The following SH2B1 variants were observed in gnomAD, a reference collection of about 807,000 sequenced individuals.
SH2B1 encodes SH2B adapter protein 1.
In SH2B1, 15 loss-of-function variants were observed where a neutral mutation model predicts 62.6. That is an observed-to-expected ratio of 0.24 (90% CI 0.16 to 0.37). The LOEUF (loss-of-function observed/expected upper bound fraction) is 0.37, where lower values mean the gene tolerates loss of function less well. Among genes scored for constraint, SH2B1 ranks in the 10% least tolerant of loss-of-function variants. The probability of loss-of-function intolerance (pLI) is 1.00; values close to 1 mark genes in which losing one functional copy is unlikely to be tolerated. For missense variants in SH2B1, 925 were observed against 1,015.6 expected (o/e 0.91, Z 1.21); for synonymous variants, 443 against 438.0 (o/e 1.01, Z -0.14).
chr16:28,871,998 AGTGTGC>A lies in SH2B1; in HGVS notation c.1513+16_1513+21del. On this transcript the variant is annotated intron_variant, in intron 5 of 7. Transcript: ENST00000684370. ...AACAGCCACAGGTACCGGAGGTGTG[AGTGTGC>A]ATGTCTCCAGGCCTGGGTGCCTACC... The A allele has an allele frequency of 6.5e-7, 1 of 1,533,570 alleles. No homozygotes were observed. The highest frequency in any genetic ancestry group is 9.0e-7 in the Non-Finnish European group (1 of 1,107,666). 95.0% of individuals were successfully genotyped at this position (1,533,570 alleles called of 1,614,324 possible).
At chr16:28,854,224 C>G (rs1355093669) in intron 1 of SH2B1, among the ~76,000 whole-genome samples, 6 of 151,746 alleles carry the variant, frequency 4.0e-5, no homozygotes, top group South Asian at 2.1e-4. Context: ...TCACTTGAGC[C>G]CAGGAGGTCG....
Position 28,873,979 on chromosome 16 carries a change from C to T in SH2B1, c.*159C>T, listed in dbSNP as rs373197858. The T allele has an allele frequency of 1.1e-5, 7 of 650,440 alleles. No individual in the cohort carries two copies. The highest frequency in any genetic ancestry group is 5.0e-5 in the South Asian group (1 of 19,992). The allele number at this position is 650,440 out of a possible 1,614,324, so 40.3% of individuals were successfully genotyped here. A position where few individuals can be genotyped will look rare whatever the true frequency, so the allele number is the denominator to read the frequency against. ...TACAAGCAGAGGCTCGGGAGAGGCT[C>T]CCGTCACACACTACAGGTCCCCTCC... is the stretch of plus-strand genomic sequence containing the variant. On this transcript the variant is annotated 3_prime_UTR_variant, in exon 8 of 8. Coordinates refer to ENST00000684370, the MANE Select transcript of SH2B1 (RefSeq NM_001387430.1). The surrounding 1 kb of genome is among the most constrained non-coding windows in gnomAD (Gnocchi z 4.2).
At chr16:28,868,934 T>C in intron 2 of SH2B1, 72 bp from the exon 3 acceptor site, 5 of 1,142,580 alleles carry the variant, frequency 4.4e-6, no homozygotes, top group Non-Finnish European at 6.7e-6. Flanking sequence ...CTGCATACAT[T>C]GTTCTCATTA....
rs1567472735 is a variant in SH2B1, at chr16:28,873,264, CTGTG to C, written c.1898-179_1898-176del. The stretch of plus-strand genomic sequence containing the variant: ...CCCTCATGCCCTTCGGAGCGAGTGA[CTGTG>C]TGTAAGTGTGGTCCTCCTCTCACCA... On this transcript the variant is annotated intron_variant, in intron 7 of 7. Coordinates refer to ENST00000684370, the MANE Select transcript of SH2B1 (RefSeq NM_001387430.1). The surrounding 1 kb of genome is among the most constrained non-coding windows in gnomAD (Gnocchi z 4.2). 1 of 1,607,830 alleles carries C rather than the reference CTGTG, an allele frequency of 6.2e-7. No individual in the cohort carries two copies. The highest frequency in any genetic ancestry group is 8.5e-7 in the Non-Finnish European group (1 of 1,178,360).
At chr16:28,870,994 C>CGTGTGTGTGTGT (rs35079060) in intron 4 of SH2B1, among the ~76,000 whole-genome samples, 3 of 141,542 alleles carry the variant, frequency 2.1e-5, no homozygotes, top group East Asian at 2.1e-4. Context: ...GCCAGAATTC[C>CGTGTGTGTGTGT]GTGTGTGTGT....
At chr16:28,852,522 A>T (rs370214367) in intron 1 of SH2B1, among the ~76,000 whole-genome samples, 5 of 49,420 alleles carry the variant, frequency 1.0e-4, no homozygotes, top group African/African-American at 5.0e-4. Context: ...ACATATATTT[A>T]TATATATACA....
At position 28,873,415 on chromosome 16, in the gene SH2B1, A is replaced by G. The variant is rs1183402989; in HGVS notation, c.1898-32A>G. ...ACGGCAGGAGCTCACCTGCCTCCACAATCAGTCTGTTTTCTTACCATTCCT... is the reference window on the plus strand; with the variant it reads ...ACGGCAGGAGCTCACCTGCCTCCACGATCAGTCTGTTTTCTTACCATTCCT... On this transcript the variant is annotated intron_variant, in intron 7 of 7. Transcript: ENST00000684370. The surrounding 1 kb of genome is among the most constrained non-coding windows in gnomAD (Gnocchi z 4.2). 2 of 1,577,920 alleles carry G rather than the reference A, an allele frequency of 1.3e-6. No homozygotes were observed. The highest frequency in any genetic ancestry group is 2.7e-5 in the African/African-American group (2 of 73,084).
chr16:28,869,783 A>T (rs549196683), intron 4 of SH2B1, among the ~76,000 whole-genome samples: 1 of 152,222 alleles, frequency 6.6e-6, no homozygotes, highest in East Asian at 1.9e-4. Flanking sequence ...TTGACTCTGT[A>T]CTTTTTGGTC....
chr16:28,852,887 T>C (rs1962202848), intron 1 of SH2B1, among the ~76,000 whole-genome samples: 1 of 101,592 alleles, frequency 9.8e-6, no homozygotes, highest in South Asian at 3.1e-4. Flanking sequence ...TTTATATATA[T>C]TTACATATAT....
At chr16:28,860,748 A>T (rs1365021222), upstream of SH2B1, among the ~76,000 whole-genome samples, 1 of 151,908 alleles carries the variant, frequency 6.6e-6, no homozygotes, top group Non-Finnish European at 1.5e-5. Flanking sequence ...CACACATCTT[A>T]TACTCACTCC....
At chr16:28,855,107 C>A (rs1297913784) in intron 1 of SH2B1, among the ~76,000 whole-genome samples, 2 of 152,000 alleles carry the variant, frequency 1.3e-5, no homozygotes, top group South Asian at 4.1e-4. Context: ...CTCCTGACTT[C>A]GGGTGATCTG....
In SH2B1 at chr16:28,866,913, G is replaced by T. The variant is rs777446588; in HGVS notation, c.819G>T (p.Gly273=). Reference sequence around the variant, plus strand: ...CAGCCGGAGTGGGCCGGGGAGGAGGGGTGGCTGGGCCTCCTTCAGGGGGAG... The same window carrying T: ...CAGCCGGAGTGGGCCGGGGAGGAGGTGTGGCTGGGCCTCCTTCAGGGGGAG... ...PDPAGVGRGG[G]VAGPPSGGGG... Residue 273 remains glycine (G), a synonymous_variant, in exon 1 of 8, where the codon GGG becomes GGT. Transcript: ENST00000684370. This position sits in a 1 kb window ranked among gnomAD's most constrained non-coding sequence, Gnocchi z 6.3. The T allele has an allele frequency of 6.2e-7, 1 of 1,612,058 alleles. No individual in the cohort carries two copies. The highest frequency in any genetic ancestry group is 1.1e-5 in the South Asian group (1 of 91,054).
chr16:28,847,815 TC>T (rs1962012434), intron 1 of SH2B1, among the ~76,000 whole-genome samples: 2 of 131,022 alleles, frequency 1.5e-5, no homozygotes, highest in Non-Finnish European at 3.2e-5. Context: ...AAAGACCCCA[TC>T]TTTTTTTTTT....
chr16:28,873,063 C>T lies in SH2B1; in HGVS notation c.1897+358C>T, dbSNP rs1284962502. The T allele has an allele frequency of 8.8e-6, 7 of 798,178 alleles. No homozygotes were observed. Among genetic ancestry groups the T allele is most frequent in the East Asian group, 2.7e-5 (1 of 37,448 alleles). 49.4% of individuals were successfully genotyped at this position (798,178 alleles called of 1,614,324 possible). A position where few individuals can be genotyped will look rare whatever the true frequency, so the allele number is the denominator to read the frequency against. ...TGGGCCTGCCCTTCCCGGGGACACTCGGTCTGATCCCCTTCCCTCCTCCCT... is the reference window on the plus strand; with the variant it reads ...TGGGCCTGCCCTTCCCGGGGACACTTGGTCTGATCCCCTTCCCTCCTCCCT... On this transcript the variant is annotated intron_variant, in intron 7 of 7. Transcript: ENST00000684370. The surrounding 1 kb of genome is among the most constrained non-coding windows in gnomAD (Gnocchi z 4.2).
At chr16:28,860,115 G>C (rs1006591991), upstream of SH2B1, among the ~76,000 whole-genome samples, 4 of 151,926 alleles carry the variant, frequency 2.6e-5, no homozygotes, top group African/African-American at 9.7e-5. Flanking sequence ...AACAAAATCA[G>C]ATCTTCCTCA....
chr16:28,863,875 G>A lies in SH2B1; in HGVS notation c.-2220G>A. On this transcript the variant is annotated 5_prime_UTR_variant, in exon 1 of 8. Coordinates refer to ENST00000684370, the MANE Select transcript of SH2B1 (RefSeq NM_001387430.1). ...GCTGGGCGCTCGTCGCGTAGTGGGT[G>A]GGGGCGCAGGGAGCGGGAGCCGCCG... The A allele has an allele frequency of 6.6e-7, 1 of 1,511,576 alleles. No homozygotes were observed. Among genetic ancestry groups the A allele is most frequent in the Non-Finnish European group, 8.8e-7 (1 of 1,136,434 alleles). The allele number at this position is 1,511,576 out of a possible 1,614,324, so 93.6% of individuals were successfully genotyped here. A position where few individuals can be genotyped will look rare whatever the true frequency, so the allele number is the denominator to read the frequency against.
chr16:28,864,652 C>T lies in SH2B1; in HGVS notation c.-1443C>T. The stretch of plus-strand genomic sequence containing the variant: ...GAGGCTTTCCTGAGCTGCTCTGGCC[C>T]CAGTCCTGGGGCTGTCACCTTCCAG... On this transcript the variant is annotated 5_prime_UTR_variant, in exon 1 of 8. Coordinates refer to ENST00000684370, the MANE Select transcript of SH2B1 (RefSeq NM_001387430.1). 1 of 985,322 alleles carries T rather than the reference C, an allele frequency of 1.0e-6. No homozygotes were observed. Among genetic ancestry groups the T allele is most frequent in the Non-Finnish European group, 1.2e-6 (1 of 829,942 alleles). 61.0% of individuals were successfully genotyped at this position (985,322 alleles called of 1,614,324 possible). A position where few individuals can be genotyped will look rare whatever the true frequency, so the allele number is the denominator to read the frequency against.
intron 1 of SH2B1, among the ~76,000 whole-genome samples, chr16:28,850,767 G>A (rs1962077708): frequency 6.6e-6 from 1 of 151,036 alleles, no homozygotes; most frequent in African/African-American, 2.4e-5. Flanking sequence ...GCTGAAACAG[G>A]AGAATCGCTT....
Position 28,866,072 on chromosome 16 carries a change from C to T in SH2B1, c.-23C>T, listed in dbSNP as rs751593218. ...CCTCTTTGTGCCCCACAGGCTCCCC[C>T]TCTCCACCTCCTGGGGCCCATCATG... On this transcript the variant is annotated 5_prime_UTR_variant, in exon 1 of 8. Coordinates refer to ENST00000684370, the MANE Select transcript of SH2B1 (RefSeq NM_001387430.1). The surrounding 1 kb of genome is among the most constrained non-coding windows in gnomAD (Gnocchi z 6.3). The T allele has an allele frequency of 6.6e-6, 10 of 1,517,968 alleles. No homozygotes were observed. The highest frequency in any genetic ancestry group is 2.3e-5 in the East Asian group (1 of 44,098). 94.0% of individuals were successfully genotyped at this position (1,517,968 alleles called of 1,614,324 possible).
Sources: allele counts gnomAD v4.1 joint callset (sites outside exome capture counted in the v4.1 genomes callset), GRCh38; gene constraint gnomAD v4.1.1; non-coding constraint Gnocchi (gnomAD v3.1); transcripts MANE v1.5; gene names NCBI Gene and HGNC (gene_info 2026-07-23, HGNC 2026-07-21).